Variants in TENM3 observed in about 807,000 individuals in gnomAD.
TENM3 encodes teneurin transmembrane protein 3, also known as teneurin-3.
Under a neutral mutation model 255.1 loss-of-function variants are expected in TENM3, and 63 were observed. The ratio of observed to expected loss-of-function variants is 0.25; its 90% CI spans 0.20 to 0.30. The LOEUF is 0.30. Among genes scored for constraint, TENM3 ranks in the 10% least tolerant of loss-of-function variants. TENM3 has a pLI of 1.00. For synonymous variants in TENM3, 1,306 were observed against 1,322.3 expected (o/e 0.99, Z 0.27); for missense variants, 2,929 against 3,461.1 (o/e 0.85, Z 3.86).
rs200910500 is a variant in TENM3, at chr4:182,372,652, CA to C, written c.511+25733del. ...TAGTGGTCACCTGTCCCATGCTGAA[CA>C]AAAAAAAAATAATCCATCCAGAAGG... is the stretch of plus-strand genomic sequence containing the variant. On this transcript the variant is annotated intron_variant, in intron 3 of 27. Transcript: ENST00000511685. Among the ~76,000 whole-genome samples the C allele has an allele frequency of 8.8e-3, 1,292 of 146,560 alleles. 16 individuals are homozygous for C. The highest frequency in any genetic ancestry group is 0.065 in the East Asian group (331 of 5,074).
At chr4:181,492,695 T>A in the TENM3 span, among the ~76,000 whole-genome samples, 1 of 152,188 alleles carries the variant, frequency 6.6e-6, no homozygotes, top group African/African-American at 2.4e-5. Flanking sequence ...TAAACTGTGT[T>A]GCAAAATACA....
At chr4:182,372,221 T>C (rs1316918533) in intron 3 of TENM3, among the ~76,000 whole-genome samples, 1 of 152,210 alleles carries the variant, frequency 6.6e-6, no homozygotes, top group East Asian at 1.9e-4. Flanking sequence ...TCTTCTGTCA[T>C]TGTAGCCAGT....
intron 22 of TENM3, among the ~76,000 whole-genome samples, chr4:182,772,224 G>A (rs1579440701): frequency 6.6e-6 from 1 of 151,844 alleles, no homozygotes; most frequent in Non-Finnish European, 1.5e-5. Context: ...AAGTGAAATT[G>A]AAAAAACAAA....
chr4:181,501,054 C>T, the TENM3 span, among the ~76,000 whole-genome samples: 6 of 152,144 alleles, frequency 3.9e-5, no homozygotes, highest in Non-Finnish European at 7.3e-5. Context: ...CCTGGCTTCC[C>T]GCCCACCTCA....
chr4:182,061,344 A>G, the TENM3 span, among the ~76,000 whole-genome samples: 1 of 152,006 alleles, frequency 6.6e-6, no homozygotes, highest in African/African-American at 2.4e-5. Context: ...TTGCTTTTCT[A>G]TCTTGTTGCA....
chr4:181,600,688 C>T, the TENM3 span, among the ~76,000 whole-genome samples: 17 of 151,688 alleles, frequency 1.1e-4, no homozygotes, highest in Non-Finnish European at 1.5e-4. Context: ...ATCCCAGGGC[C>T]GTGGCTGCTC....
chr4:181,701,896 G>A, the TENM3 span, among the ~76,000 whole-genome samples: 4 of 152,056 alleles, frequency 2.6e-5, no homozygotes, highest in African/African-American at 4.8e-5. Context: ...AAATATGCTC[G>A]GGGAACAGGA....
the TENM3 span, among the ~76,000 whole-genome samples, chr4:181,604,717 A>G: frequency 6.6e-6 from 1 of 152,100 alleles, no homozygotes; most frequent in African/African-American, 2.4e-5. Flanking sequence ...TATGTGTGGC[A>G]TTTCATCACC....
the TENM3 span, among the ~76,000 whole-genome samples, chr4:182,065,562 G>A: frequency 1.3e-5 from 2 of 152,160 alleles, no homozygotes; most frequent in Non-Finnish European, 2.9e-5. Context: ...ATTATCGCGA[G>A]AACAGCAAGG....
At chr4:181,913,705 A>T in the TENM3 span, among the ~76,000 whole-genome samples, 1 of 152,158 alleles carries the variant, frequency 6.6e-6, no homozygotes, top group Non-Finnish European at 1.5e-5. Context: ...CAAGGAGGGT[A>T]AGGAACGAGG....
chr4:182,567,127 G>A (rs776520511), intron 3 of TENM3, among the ~76,000 whole-genome samples: 2 of 152,182 alleles, frequency 1.3e-5, no homozygotes, highest in African/African-American at 2.4e-5. Flanking sequence ...AACGTAGGTC[G>A]TAGAGCGCAA....
intron 3 of TENM3, among the ~76,000 whole-genome samples, chr4:182,501,491 T>C (rs957576292): frequency 2.6e-5 from 4 of 152,104 alleles, no homozygotes; most frequent in African/African-American, 9.7e-5. Flanking sequence ...TATTTGTTTT[T>C]TCATAAATTT....
the TENM3 span, among the ~76,000 whole-genome samples, chr4:181,812,949 C>T: frequency 6.6e-6 from 1 of 152,160 alleles, no homozygotes; most frequent in Non-Finnish European, 1.5e-5. Context: ...CTGAGGCACC[C>T]AGCCAACCCA....
At chr4:181,626,014 T>C in the TENM3 span, among the ~76,000 whole-genome samples, 1 of 152,126 alleles carries the variant, frequency 6.6e-6, no homozygotes, top group African/African-American at 2.4e-5. Context: ...CTCATAGAAA[T>C]AGAAAAACTC....
chr4:182,482,860 A>T (rs1024314338), intron 3 of TENM3, among the ~76,000 whole-genome samples: 1 of 152,198 alleles, frequency 6.6e-6, no homozygotes, highest in Non-Finnish European at 1.5e-5. Context: ...AATTAAAAAG[A>T]TCCAAGGAAG....
intron 1 of TENM3, among the ~76,000 whole-genome samples, chr4:182,217,400 A>G (rs1755558655): frequency 6.6e-6 from 1 of 152,184 alleles, no homozygotes; most frequent in Non-Finnish European, 1.5e-5. Flanking sequence ...AAGATAATAA[A>G]GTGCCTGATG....
At chr4:182,167,701 C>T (rs982766361) in intron 1 of TENM3, among the ~76,000 whole-genome samples, 76 of 152,016 alleles carry the variant, frequency 5.0e-4, no homozygotes, top group African/African-American at 1.5e-3. Flanking sequence ...GGTGAAACCC[C>T]GTCTCTACAA....
chr4:181,470,572 G>A, the TENM3 span, among the ~76,000 whole-genome samples: 1 of 152,052 alleles, frequency 6.6e-6, no homozygotes, highest in East Asian at 1.9e-4. Flanking sequence ...CGTGCTGATT[G>A]GAACCTACTG....
At chr4:181,934,796 G>A in the TENM3 span, among the ~76,000 whole-genome samples, 3 of 152,050 alleles carry the variant, frequency 2.0e-5, no homozygotes, top group Non-Finnish European at 4.4e-5. Context: ...TAGTGTTCGA[G>A]TACTAGAAAA....
Sources: allele counts gnomAD v4.1 joint callset (sites outside exome capture counted in the v4.1 genomes callset), GRCh38; gene constraint gnomAD v4.1.1; transcripts MANE v1.5; gene names NCBI Gene and HGNC (gene_info 2026-07-23, HGNC 2026-07-21).